The following CDK15 variants were observed in gnomAD, a reference collection of about 807,000 sequenced individuals.
CDK15 encodes the protein cyclin dependent kinase 15.
Under a neutral mutation model 60.3 loss-of-function variants are expected in CDK15, and 62 were observed. The ratio of observed to expected loss-of-function variants is 1.03; its 90% CI spans 0.84 to 1.27. CDK15 has a LOEUF of 1.27. CDK15 is among the 50% of genes most tolerant of loss of function. The pLI is 0.00. For missense variants in CDK15, 541 were observed against 527.8 expected (o/e 1.03, Z -0.25); for synonymous variants, 194 against 195.7 (o/e 0.99, Z 0.07).
At chr2:201,838,561 C>A (rs1388760839) in intron 8 of CDK15, among the ~76,000 whole-genome samples, 1 of 151,384 alleles carries the variant, frequency 6.6e-6, no homozygotes, top group African/African-American at 2.4e-5. Flanking sequence ...TGTGCCACCA[C>A]ACCTGGCTAA....
At chr2:201,853,715 T>A (rs1377608799) in intron 9 of CDK15, among the ~76,000 whole-genome samples, 2 of 112,876 alleles carry the variant, frequency 1.8e-5, no homozygotes, top group East Asian at 5.1e-4. Context: ...GTCTATGGGC[T>A]TTTATGATTA....
intron 10 of CDK15, among the ~76,000 whole-genome samples, chr2:201,864,823 T>G (rs1229549440): frequency 6.6e-6 from 1 of 152,196 alleles, no homozygotes; most frequent in Non-Finnish European, 1.5e-5. Flanking sequence ...AATGGAGATA[T>G]CTAAAAAGCA....
At chr2:201,860,498 C>A (rs1193247648) in intron 10 of CDK15, among the ~76,000 whole-genome samples, 1 of 152,164 alleles carries the variant, frequency 6.6e-6, no homozygotes, top group Non-Finnish European at 1.5e-5. Context: ...GAAAATCATG[C>A]CTGATTTGTG....
At chr2:201,859,728 A>G (rs1032487731) in intron 10 of CDK15, among the ~76,000 whole-genome samples, 1 of 152,240 alleles carries the variant, frequency 6.6e-6, no homozygotes, top group African/African-American at 2.4e-5. Flanking sequence ...GGTATTAAAA[A>G]TAGTTAATTT....
At chr2:201,838,394 G>A (rs1452840630) in intron 8 of CDK15, among the ~76,000 whole-genome samples, 2 of 152,010 alleles carry the variant, frequency 1.3e-5, no homozygotes, top group East Asian at 1.9e-4. Context: ...TAAGAAAGCC[G>A]ATGTAGGTTA....
chr2:201,881,506 C>G (rs1479721969), intron 12 of CDK15, among the ~76,000 whole-genome samples: 2 of 152,184 alleles, frequency 1.3e-5, no homozygotes, highest in African/African-American at 4.8e-5. Context: ...CCCTCGCACA[C>G]ATATCAGCAC....
intron 12 of CDK15, among the ~76,000 whole-genome samples, chr2:201,884,671 T>G (rs556785103): frequency 6.6e-6 from 1 of 152,210 alleles, no homozygotes. Context: ...TTTCTCCCAC[T>G]TTTTAGTCAT....
intron 8 of CDK15, among the ~76,000 whole-genome samples, chr2:201,842,383 G>A (rs1051750028): frequency 6.6e-6 from 1 of 152,284 alleles, no homozygotes; most frequent in South Asian, 2.1e-4. Context: ...GCAGCTGCTG[G>A]TGTTAGGACT....
At chr2:201,844,301 A>G (rs1697542046) in intron 8 of CDK15, among the ~76,000 whole-genome samples, 1 of 152,218 alleles carries the variant, frequency 6.6e-6, no homozygotes, top group Non-Finnish European at 1.5e-5. Flanking sequence ...CATGTGGCGA[A>G]GTCATGGGGG....
chr2:201,864,998 G>A (rs1040362821), intron 10 of CDK15, among the ~76,000 whole-genome samples: 5 of 152,170 alleles, frequency 3.3e-5, no homozygotes, highest in Non-Finnish European at 7.4e-5. Flanking sequence ...AGTACTGCAG[G>A]ACTGGGTAGA....
At position 201,840,893 on chromosome 2, in the gene CDK15, T is replaced by C. The variant is rs77209702; in HGVS notation, c.851+5130T>C. Among the ~76,000 whole-genome samples the C allele has an allele frequency of 1.2e-4, 19 of 152,352 alleles. No homozygotes were observed. In the East Asian group the frequency reaches 3.7e-3, roughly 29 times the overall value. On this transcript the variant is annotated intron_variant, in intron 8 of 13. Transcript: ENST00000652192. ...CTTTTTACTTACCCTGTTTGGTATA[T>C]CTTGTGTTTCTTCCATTTGTGAATT...
At chr2:201,826,321 G>C (rs746811072) in intron 6 of CDK15, among the ~76,000 whole-genome samples, 2 of 152,050 alleles carry the variant, frequency 1.3e-5, no homozygotes, top group Non-Finnish European at 2.9e-5. Context: ...TTAGCCAGGC[G>C]TGGTGGCGGG....
At chr2:201,875,291 A>G (rs1398691125) in intron 11 of CDK15, among the ~76,000 whole-genome samples, 1 of 152,210 alleles carries the variant, frequency 6.6e-6, no homozygotes, top group Non-Finnish European at 1.5e-5. Context: ...TGAATTTATT[A>G]TCCTTGCCCA....
intron 12 of CDK15, 129 bp from the exon 13 acceptor site, chr2:201,890,656 T>A: frequency 1.6e-6 from 1 of 637,412 alleles, no homozygotes; most frequent in Non-Finnish European, 2.7e-6. Flanking sequence ...TCAGTATGAA[T>A]TATTAGTAAA....
chr2:201,863,241 G>C (rs1287443212), intron 10 of CDK15, among the ~76,000 whole-genome samples: 1 of 151,916 alleles, frequency 6.6e-6, no homozygotes, highest in Non-Finnish European at 1.5e-5. Flanking sequence ...TAATTTATTT[G>C]GTGTCAATTA....
intron 10 of CDK15, 99 bp from the exon 11 acceptor site, chr2:201,872,179 A>T (rs1416106276): frequency 4.0e-6 from 5 of 1,262,498 alleles, no homozygotes; most frequent in Non-Finnish European, 5.8e-6. Context: ...TCATTTTTTT[A>T]AACCAAGCCA....
At chr2:201,883,602 C>A (rs1045218045) in intron 12 of CDK15, among the ~76,000 whole-genome samples, 5 of 152,216 alleles carry the variant, frequency 3.3e-5, no homozygotes, top group African/African-American at 1.2e-4. Flanking sequence ...GAACTTCTGC[C>A]AAGTTCTGAC....
chr2:201,830,434 G>A (rs182658691), intron 6 of CDK15, among the ~76,000 whole-genome samples: 62 of 152,282 alleles, frequency 4.1e-4, no homozygotes, highest in African/African-American at 1.4e-3. Context: ...AAAAGTCATG[G>A]GAAACCATGG....
chr2:201,878,054 A>T (rs1699145817), intron 11 of CDK15, among the ~76,000 whole-genome samples: 1 of 152,194 alleles, frequency 6.6e-6, no homozygotes, highest in South Asian at 2.1e-4. Context: ...ATGTCTGCTT[A>T]ATTGGGGATT....
Sources: gnomAD v4.1 joint callset for allele counts (sites outside exome capture counted in the v4.1 genomes callset) on GRCh38, gnomAD v4.1.1 for gene constraint, MANE v1.5 for transcripts, NCBI Gene and HGNC (gene_info 2026-07-23, HGNC 2026-07-21) for gene names.